FTCD: variants seen among roughly 807,000 people sequenced by gnomAD.
FTCD encodes the protein formimidoyltransferase cyclodeaminase.
FTCD carries 76 observed loss-of-function variants against 62.9 expected under a neutral mutation model. That is an observed-to-expected ratio of 1.21 (90% CI 1.00 to 1.46). FTCD has a LOEUF of 1.46. Among genes scored for constraint, FTCD ranks in the 40% most tolerant of loss-of-function variants. The pLI is 0.00. For synonymous variants in FTCD, 397 were observed against 336.9 expected, an observed-to-expected ratio of 1.18 and a Z score of -1.95; for missense variants, 845 against 751.3, an observed-to-expected ratio of 1.12 and a Z score of -1.46.
intron 10 of FTCD, chr21:46,141,973 C>CGGGCGGGGCT (rs2079019066): frequency 6.6e-6 from 1 of 152,102 alleles, no homozygotes; most frequent in South Asian, 2.1e-4. Context: ...AGGCTGGGAG[C>CGGGCGGGGCT]GGGCGGGGCT....
At chr21:46,150,599 C>T (rs2079246843) in intron 5 of FTCD, 74 bp from the exon 6 acceptor site, 2 of 1,457,860 alleles carry the variant, frequency 1.4e-6, no homozygotes, top group Admixed American at 3.3e-5. Context: ...TCTCCTGGCA[C>T]TTGCATTCCC....
intron 10 of FTCD, among the ~76,000 whole-genome samples, chr21:46,145,147 G>A (rs1280073284): frequency 6.6e-6 from 1 of 152,226 alleles, no homozygotes; most frequent in African/African-American, 2.4e-5. Flanking sequence ...CCCCTGCTGG[G>A]AGGGGCCTGT....
chr21:46,136,876 C>T lies in FTCD; in HGVS notation c.*111G>A. The T allele has an allele frequency of 1.3e-6, 2 of 1,569,232 alleles. No homozygotes were observed. The highest frequency in any genetic ancestry group is 1.9e-5 in the Admixed American group (1 of 53,090). ...AGGCGATGCCCCGCTGCCTGCCCACCTACCCTCCGGGCCCCACACGAACAA... is the reference window on the plus strand; with the variant it reads ...AGGCGATGCCCCGCTGCCTGCCCACTTACCCTCCGGGCCCCACACGAACAA... On this transcript the variant is annotated 3_prime_UTR_variant, in exon 14 of 14. Transcript: ENST00000397746.
chr21:46,138,574 G>A lies in FTCD; in HGVS notation c.1377C>T (p.Ala459=), dbSNP rs779682626. The A allele has an allele frequency of 6.3e-7, 1 of 1,588,504 alleles. No individual in the cohort carries two copies. The highest frequency in any genetic ancestry group is 1.3e-5 in the African/African-American group (1 of 74,854). ...SVPLTLAETV[A]SLWPALQELA... is the part of the protein sequence containing the mutation. Reference sequence around the variant, plus strand: ...GTTCCTGCAGGGCCGGCCACAGCGAGGCCACCGTCTCCGCCAGCGTCAGCG... The same window carrying A: ...GTTCCTGCAGGGCCGGCCACAGCGAAGCCACCGTCTCCGCCAGCGTCAGCG... Residue 459 remains alanine (A), a synonymous_variant, in exon 12 of 14, where the codon GCC becomes GCT. Coordinates refer to ENST00000397746, the MANE Select transcript of FTCD (RefSeq NM_206965.2).
chr21:46,144,429 C>T (rs1342363280), intron 10 of FTCD, among the ~76,000 whole-genome samples: 11 of 91,976 alleles, frequency 1.2e-4, no homozygotes, highest in African/African-American at 5.1e-4. Flanking sequence ...CCCTCCCTCC[C>T]TCCCCTCTTT....
intron 10 of FTCD, among the ~76,000 whole-genome samples, chr21:46,139,215 G>A (rs2078941080): frequency 1.3e-5 from 2 of 152,098 alleles, no homozygotes. Flanking sequence ...GGCCCAGGAG[G>A]TCCCCTGAGC....
intron 10 of FTCD, 98 bp downstream of exon 10, chr21:46,145,319 C>T (rs2079113588): frequency 9.8e-7 from 1 of 1,024,404 alleles, no homozygotes; most frequent in South Asian, 1.5e-5. Context: ...GGTCCCCAGC[C>T]CCTCCCCAGC....
intron 10 of FTCD, among the ~76,000 whole-genome samples, chr21:46,144,847 G>C (rs2079105596): frequency 6.7e-6 from 1 of 149,136 alleles, no homozygotes; most frequent in Non-Finnish European, 1.5e-5. Context: ...CCTGCCCTAG[G>C]CTCTGAGCAC....
chr21:46,151,606 G>A lies in FTCD; in HGVS notation c.588C>T (p.Ala196=). The change falls in exon 5 of 14, where the codon GCC becomes GCT. Residue 196 remains alanine (A), a synonymous_variant. Coordinates refer to ENST00000397746, the MANE Select transcript of FTCD (RefSeq NM_206965.2). ...CCCGCAGGTTGAGCGCGATGCGGTG[G>A]GCTTGCTCCTTTGTGCCGAGCAGGT... The part of the protein sequence containing the change: ...NINLLGTKEQ[A]HRIALNLREQ... 6.2e-7 allele frequency: 1 copy of A among 1,613,046 alleles called. No individual in the cohort carries two copies. The highest frequency in any genetic ancestry group is 8.5e-7 in the Non-Finnish European group (1 of 1,179,966).
intron 11 of FTCD, 88 bp from the exon 12 acceptor site, chr21:46,138,734 G>A (rs2078928266): frequency 2.0e-6 from 3 of 1,487,554 alleles, no homozygotes; most frequent in Admixed American, 1.7e-5. Flanking sequence ...TGAGCAGGCT[G>A]CAGAAGCGGG....
In FTCD at chr21:46,138,546, C is replaced by T. The variant is rs374170977; in HGVS notation, c.1405G>A (p.Ala469Thr). Reference sequence around the variant, plus strand: ...CGGCAGGCCAGGTTCCCACACCGGGCCAGTTCCTGCAGGGCCGGCCACAGC... The same window carrying T: ...CGGCAGGCCAGGTTCCCACACCGGGTCAGTTCCTGCAGGGCCGGCCACAGC... ...ASLWPALQEL[A>T]RCGNLACRSD... Residue 469 changes from alanine (A) to threonine (T), a missense_variant, in exon 12 of 14, where the codon GCC (alanine) becomes ACC (threonine). By Grantham distance (58) the Ala-to-Thr change is moderately conservative. Transcript: ENST00000397746. The T allele has an allele frequency of 9.5e-6, 15 of 1,587,008 alleles. No homozygotes were observed. The African/African-American group carries it at 1.1e-4, about 11-fold the overall frequency.
chr21:46,155,432 A>G (rs747269379), intron 1 of FTCD, 38 bp downstream of exon 1: 2 of 1,567,242 alleles, frequency 1.3e-6, no homozygotes, highest in South Asian at 2.2e-5. Flanking sequence ...AAGCTGCCCC[A>G]TCAGCCCTAG....
chr21:46,150,603 C>T, intron 5 of FTCD, 78 bp from the exon 6 acceptor site: 2 of 1,445,200 alleles, frequency 1.4e-6, no homozygotes, highest in Non-Finnish European at 1.9e-6. Flanking sequence ...CTGGCACTTG[C>T]ATTCCCCAGC....
chr21:46,151,931 C>A lies in FTCD; in HGVS notation c.417G>T (p.Pro139=). 6.4e-7 allele frequency: 1 copy of A among 1,572,158 alleles called. No homozygotes were observed. The highest frequency in any genetic ancestry group is 8.6e-7 in the Non-Finnish European group (1 of 1,159,322). Residue 139 remains proline, a synonymous_variant, in exon 4 of 14, where the codon CCG becomes CCT. Transcript: ENST00000397746. ...CCTCGTACTCCCCGGCCCGGATGGC[C>A]GGCAGGGTCCGGCGACTGTCCATCC... ...AARMDSRRTL[P]AIRAGEYEAL...
chr21:46,153,509 C>T (rs962172819), intron 2 of FTCD, among the ~76,000 whole-genome samples: 2 of 152,230 alleles, frequency 1.3e-5, no homozygotes, highest in South Asian at 2.1e-4. Context: ...GCATTCTTCT[C>T]ACTAGCTGAG....
Position 46,154,192 on chromosome 21 carries a change from A to G in FTCD, c.195T>C (p.Ala65=), listed in dbSNP as rs1349385748. ...PECVVEGALN[A]ARVASRLIDM... ...CGATAAGTCGGGAAGCTACCCGGGC[A>G]GCGTTGAGGGCCCCCTCCACCACGC... Residue 65 remains alanine, a synonymous_variant, in exon 2 of 14, where the codon GCT becomes GCC. Coordinates refer to ENST00000397746, the MANE Select transcript of FTCD (RefSeq NM_206965.2). 1.2e-6 allele frequency: 2 copies of G among 1,612,678 alleles called. No individual in the cohort carries two copies. Among genetic ancestry groups the G allele is most frequent in the African/African-American group, 2.7e-5 (2 of 74,920 alleles).
chr21:46,140,418 C>T (rs1349915520), intron 10 of FTCD, among the ~76,000 whole-genome samples: 132 of 84,220 alleles, frequency 1.6e-3, no homozygotes, highest in Non-Finnish European at 2.2e-3. Context: ...ACTCCCCGTC[C>T]ACCTTCGCGT....
At chr21:46,137,584 C>T (rs1033768329) in intron 12 of FTCD, among the ~76,000 whole-genome samples, 2 of 150,480 alleles carry the variant, frequency 1.3e-5, no homozygotes, top group Non-Finnish European at 3.0e-5. Flanking sequence ...GGAGGCTCTC[C>T]GCCACTCTAG....
At chr21:46,148,335 C>T (rs1391759774) in intron 7 of FTCD, among the ~76,000 whole-genome samples, 3 of 152,114 alleles carry the variant, frequency 2.0e-5, no homozygotes, top group Non-Finnish European at 2.9e-5. Context: ...GCCAAAAATG[C>T]GTAACTGGCT....
Sources: allele counts gnomAD v4.1 joint callset (sites outside exome capture counted in the v4.1 genomes callset), GRCh38; gene constraint gnomAD v4.1.1; transcripts MANE v1.5; gene names NCBI Gene and HGNC (gene_info 2026-07-23, HGNC 2026-07-21).